ELOVL6: variants seen among roughly 807,000 people sequenced by gnomAD.
The protein encoded by ELOVL6 is very long chain fatty acid elongase 6.
Under a neutral mutation model 31.7 loss-of-function variants are expected in ELOVL6, and 8 were observed. The ratio of observed to expected loss-of-function variants is 0.25; its 90% CI spans 0.15 to 0.45. The LOEUF (loss-of-function observed/expected upper bound fraction) is 0.45, where lower values mean the gene tolerates loss of function less well. ELOVL6 is among the 20% of genes least tolerant of loss of function. ELOVL6 has a pLI of 1.00. For synonymous variants in ELOVL6, 101 were observed against 117.7 expected (o/e 0.86, Z 0.92); for missense variants, 126 against 326.4 (o/e 0.39, Z 4.73).
chr4:110,112,775 A>G (rs925137717), intron 1 of ELOVL6, among the ~76,000 whole-genome samples: 3 of 152,070 alleles, frequency 2.0e-5, no homozygotes, highest in Admixed American at 2.0e-4. Flanking sequence ...TCAGGAGCCT[A>G]AGGCAGGAGA....
intron 3 of ELOVL6, among the ~76,000 whole-genome samples, chr4:110,056,918 T>G (rs1755002249): frequency 6.6e-6 from 1 of 152,116 alleles, no homozygotes; most frequent in Non-Finnish European, 1.5e-5. Flanking sequence ...TTAAGACAGG[T>G]GATATTAACA....
chr4:110,165,198 A>T (rs1395666325), intron 1 of ELOVL6, among the ~76,000 whole-genome samples: 1 of 152,128 alleles, frequency 6.6e-6, no homozygotes, highest in Non-Finnish European at 1.5e-5. Context: ...ACTATAAGCA[A>T]CCCTCTCCAT....
chr4:110,060,832 T>A (rs776719620), intron 2 of ELOVL6, among the ~76,000 whole-genome samples: 1 of 152,188 alleles, frequency 6.6e-6, no homozygotes, highest in East Asian at 1.9e-4. Flanking sequence ...AACTGTTGAA[T>A]TGGGAAATGG....
chr4:110,079,955 A>C (rs1459813597), intron 2 of ELOVL6, among the ~76,000 whole-genome samples: 5 of 152,226 alleles, frequency 3.3e-5, no homozygotes, highest in Admixed American at 2.6e-4. Flanking sequence ...AGAGAATGCT[A>C]TAAACACCTC....
chr4:110,149,173 T>C (rs1287858477), intron 1 of ELOVL6, among the ~76,000 whole-genome samples: 1 of 152,134 alleles, frequency 6.6e-6, no homozygotes, highest in African/African-American at 2.4e-5. Context: ...TTCTGTATTG[T>C]TGACGGGAAT....
intron 2 of ELOVL6, among the ~76,000 whole-genome samples, chr4:110,072,303 C>CCG (rs1755509742): frequency 6.6e-6 from 1 of 152,212 alleles, no homozygotes; most frequent in Non-Finnish European, 1.5e-5. Context: ...CGGCGAAACG[C>CCG]TGTCTCTACT....
rs562254147 is a variant in ELOVL6 at position 110,076,757 on chromosome 4, G to A, written c.222-17003C>T. On this transcript the variant is annotated intron_variant, in intron 2 of 3. Coordinates refer to ENST00000302274, the MANE Select transcript of ELOVL6 (RefSeq NM_024090.3). The stretch of plus-strand genomic sequence containing the variant: ...GTGGGTGCAAGACAGTGGGTGCAGC[G>A]CACCGAGTGTGAGCCGAAGCAGGGC... 6.1e-3 allele frequency among the ~76,000 whole-genome samples: 930 copies of A among 152,266 alleles called. 10 individuals carry two copies. The highest frequency in any genetic ancestry group is 0.022 in the African/African-American group (899 of 41,552).
chr4:110,088,074 C>T (rs1008346778), intron 2 of ELOVL6, among the ~76,000 whole-genome samples: 2 of 152,016 alleles, frequency 1.3e-5, no homozygotes, highest in Non-Finnish European at 2.9e-5. Flanking sequence ...GTAAAAGAAA[C>T]AAGAAATAAT....
At chr4:110,090,596 C>CTTCCTTTTTTTTTT (rs1206850406) in intron 2 of ELOVL6, among the ~76,000 whole-genome samples, 1 of 82,558 alleles carries the variant, frequency 1.2e-5, no homozygotes, top group African/African-American at 7.3e-5. Context: ...GAAAGTTTGA[C>CTTCCTTTTTTTTTT]TTTCTTTTTT....
In ELOVL6 at chr4:110,047,215, C is replaced by T. The variant is rs997069271; in HGVS notation, c.*4123G>A. ...CTACAAGAGGTGGACATGGACCATG[C>T]TTATACAACTTAAAGCTCTGAACTC... On this transcript the variant is annotated 3_prime_UTR_variant, in exon 4 of 4. Coordinates refer to ENST00000302274, the MANE Select transcript of ELOVL6 (RefSeq NM_024090.3). The T allele has an allele frequency of 6.6e-6, 1 of 151,980 alleles. No homozygotes were observed. The highest frequency in any genetic ancestry group is 1.5e-5 in the Non-Finnish European group (1 of 68,020). 9.4% of individuals were successfully genotyped at this position (151,980 alleles called of 1,614,324 possible).
intron 1 of ELOVL6, among the ~76,000 whole-genome samples, chr4:110,177,067 A>G (rs1042195667): frequency 6.6e-5 from 10 of 152,286 alleles, no homozygotes; most frequent in African/African-American, 2.4e-4. Context: ...TAGGAAAGCA[A>G]TCCCCATCCT....
Position 110,050,463 on chromosome 4 carries a change from G to A in ELOVL6, c.*875C>T, listed in dbSNP as rs1754810249. On this transcript the variant is annotated 3_prime_UTR_variant, in exon 4 of 4. Coordinates refer to ENST00000302274, the MANE Select transcript of ELOVL6 (RefSeq NM_024090.3). Reference sequence around the variant, plus strand: ...ACCCGTTTTCACATTGTTTGGTTGAGTGTTTATCTTTTTCAATTCTGTATT... The same window carrying A: ...ACCCGTTTTCACATTGTTTGGTTGAATGTTTATCTTTTTCAATTCTGTATT... The A allele has an allele frequency of 6.6e-6, 1 of 152,174 alleles. No individual in the cohort carries two copies. The highest frequency in any genetic ancestry group is 2.4e-5 in the African/African-American group (1 of 41,424). The allele number at this position is 152,174 out of a possible 1,614,324, so 9.4% of individuals were successfully genotyped here.
At chr4:110,171,929 A>G (rs1403539946) in intron 1 of ELOVL6, among the ~76,000 whole-genome samples, 1 of 151,936 alleles carries the variant, frequency 6.6e-6, no homozygotes, top group Non-Finnish European at 1.5e-5. Context: ...GGCTCAAGCA[A>G]TCCTCCAGCC....
chr4:110,080,993 T>C (rs1384770349), intron 2 of ELOVL6, among the ~76,000 whole-genome samples: 2 of 152,090 alleles, frequency 1.3e-5, no homozygotes, highest in African/African-American at 4.8e-5. Flanking sequence ...CCATTCACAA[T>C]TGCTTCAAAG....
At chr4:110,186,385 G>A (rs1000643614) in intron 1 of ELOVL6, among the ~76,000 whole-genome samples, 4 of 151,930 alleles carry the variant, frequency 2.6e-5, no homozygotes, top group Non-Finnish European at 5.9e-5. Flanking sequence ...CCCACACAAC[G>A]TAAAAATAAA....
intron 1 of ELOVL6, among the ~76,000 whole-genome samples, chr4:110,157,715 T>C (rs890481055): frequency 1.3e-5 from 2 of 151,726 alleles, no homozygotes; most frequent in African/African-American, 4.8e-5. Context: ...CTTAAGAAAA[T>C]CATCAACTCA....
chr4:110,188,544 A>G (rs1759511858), intron 1 of ELOVL6, among the ~76,000 whole-genome samples: 3 of 152,084 alleles, frequency 2.0e-5, no homozygotes, highest in Admixed American at 2.0e-4. Flanking sequence ...TGAGTTGTCC[A>G]TCGTGCAAAA....
intron 1 of ELOVL6, among the ~76,000 whole-genome samples, chr4:110,112,636 G>A (rs1369062587): frequency 6.6e-6 from 1 of 152,108 alleles, no homozygotes; most frequent in Non-Finnish European, 1.5e-5. Context: ...ACTTCGGGAG[G>A]CTGAGGGGGG....
intron 1 of ELOVL6, among the ~76,000 whole-genome samples, chr4:110,113,717 T>C (rs972752320): frequency 6.6e-6 from 1 of 152,212 alleles, no homozygotes; most frequent in African/African-American, 2.4e-5. Context: ...TATTGATTGT[T>C]GCAGGTGAGA....
Sources: allele counts gnomAD v4.1 joint callset (sites outside exome capture counted in the v4.1 genomes callset), GRCh38; gene constraint gnomAD v4.1.1; transcripts MANE v1.5; gene names NCBI Gene and HGNC (gene_info 2026-07-23, HGNC 2026-07-21).